The following AFG3L2 variants were observed in gnomAD, a reference collection of about 807,000 sequenced individuals.
The protein encoded by AFG3L2 is mitochondrial inner membrane m-AAA protease component AFG3L2.
AFG3L2 carries 54 observed loss-of-function variants against 94.5 expected under a neutral mutation model. The ratio of observed to expected loss-of-function variants is 0.57; its 90% confidence interval spans 0.46 to 0.72. The LOEUF (loss-of-function observed/expected upper bound fraction) is 0.72, where lower values mean the gene tolerates loss of function less well. Ranked by LOEUF, AFG3L2 falls within the 30% of genes least tolerant of loss-of-function variation. The probability of loss-of-function intolerance (pLI) is 0.00; values close to 1 mark genes in which losing one functional copy is unlikely to be tolerated. For synonymous variants in AFG3L2, 377 were observed against 365.5 expected, an observed-to-expected ratio of 1.03 and a Z score of -0.36; for missense variants, 754 against 994.9, an observed-to-expected ratio of 0.76 and a Z score of 3.26.
chr18:12,329,722 C>T lies in AFG3L2; in HGVS notation c.2237G>A (p.Gly746Asp). 1 of 1,614,178 alleles carries T rather than the reference C, an allele frequency of 6.2e-7. No individual in the cohort carries two copies. The highest frequency in any genetic ancestry group is 2.2e-5 in the East Asian group (1 of 44,884). The change falls in exon 17 of 17, where the codon GGC (glycine) becomes GAC (aspartate). Residue 746 changes from glycine to aspartate, a missense_variant. By Grantham distance (94) the Gly-to-Asp change is moderately conservative. Coordinates refer to ENST00000269143, the MANE Select transcript of AFG3L2 (RefSeq NM_006796.3). ...LDKNDMVELL[G>D]PRPFAEKSTY... ...AGATTTTTCCGCAAATGGTCTGGGG[C>T]CCAAAAGTTCAACCATATCATTCTT...
At chr18:12,346,446 A>T (rs1243576166) in intron 13 of AFG3L2, among the ~76,000 whole-genome samples, 4 of 150,420 alleles carry the variant, frequency 2.7e-5, no homozygotes, top group Non-Finnish European at 5.9e-5. Context: ...AGCGCCCCAC[A>T]CTCCTGCGGT....
chr18:12,361,450 G>C (rs1025996234), intron 6 of AFG3L2, among the ~76,000 whole-genome samples: 3 of 151,804 alleles, frequency 2.0e-5, no homozygotes, highest in Non-Finnish European at 4.4e-5. Context: ...AGCTCAAGAT[G>C]AGCCTGGTCA....
chr18:12,336,412 C>T (rs1288193566), intron 16 of AFG3L2, among the ~76,000 whole-genome samples: 1 of 152,206 alleles, frequency 6.6e-6, no homozygotes. Context: ...AGGAGGATAG[C>T]TTCCATGCCC....
chr18:12,338,157 G>T (rs1907815017), intron 15 of AFG3L2, among the ~76,000 whole-genome samples: 1 of 152,116 alleles, frequency 6.6e-6, no homozygotes, highest in African/African-American at 2.4e-5. Context: ...CTGCAGCTTT[G>T]ACCTTCTGGG....
At chr18:12,341,578 A>G (rs1301035930) in intron 14 of AFG3L2, 2 of 152,188 alleles carry the variant, frequency 1.3e-5, no homozygotes, top group Non-Finnish European at 1.5e-5. Context: ...ATCCATAGAT[A>G]CTGCTGTATG....
chr18:12,368,803 GTTGGCCAGGC>G (rs1240502691), intron 3 of AFG3L2, among the ~76,000 whole-genome samples: 1 of 152,144 alleles, frequency 6.6e-6, no homozygotes, highest in Non-Finnish European at 1.5e-5. Context: ...GTTTCATCAT[GTTGGCCAGGC>G]TGGTCTTCAA....
chr18:12,353,186 T>C, intron 9 of AFG3L2, 28 bp from the exon 10 acceptor site: 2 of 1,613,118 alleles, frequency 1.2e-6, no homozygotes, highest in Non-Finnish European at 8.5e-7. Flanking sequence ...GAGAGTCACC[T>C]GACCAGAGAA....
intron 10 of AFG3L2, among the ~76,000 whole-genome samples, chr18:12,351,782 G>C (rs967687790): frequency 6.6e-6 from 1 of 152,042 alleles, no homozygotes. Context: ...CCTAACCTCA[G>C]GTGATCCACC....
intron 14 of AFG3L2, 52 bp downstream of exon 14, chr18:12,344,076 CAGCG>C: frequency 7.0e-7 from 1 of 1,428,356 alleles, no homozygotes; most frequent in Non-Finnish European, 9.9e-7. Flanking sequence ...TGAGTGACTG[CAGCG>C]AGCATCTGCT....
chr18:12,351,356 A>G lies in AFG3L2; in HGVS notation c.1376T>C (p.Leu459Pro), dbSNP rs756058528. The change falls in exon 11 of 17, where the codon CTG (leucine) becomes CCG (proline). Residue 459 changes from leucine to proline, a missense_variant. Physicochemically the swap from Leu to Pro is moderately conservative, Grantham distance 98. Coordinates refer to ENST00000269143, the MANE Select transcript of AFG3L2 (RefSeq NM_006796.3). ...CCCCGGCCTAAGCAGCGCGGGGTCC[A>G]GGATATCTGGTCGATTGGTGCCGGC... is the stretch of plus-strand genomic sequence containing the variant. Reference protein sequence around the residue: ...ILAGTNRPDILDPALLRPGRF... With the variant: ...ILAGTNRPDIPDPALLRPGRF... 2 of 1,614,080 alleles carry G rather than the reference A, an allele frequency of 1.2e-6. No individual in the cohort carries two copies. The highest frequency in any genetic ancestry group is 1.3e-5 in the African/African-American group (1 of 74,930).
At chr18:12,353,514 C>CAAAAAAAA (rs71172076) in intron 9 of AFG3L2, among the ~76,000 whole-genome samples, 14 of 81,036 alleles carry the variant, frequency 1.7e-4, no homozygotes, top group Non-Finnish European at 2.1e-4. Context: ...AATTCTGTCT[C>CAAAAAAAA]AAAAAAAAAA....
At chr18:12,347,917 T>C (rs528414950) in intron 13 of AFG3L2, among the ~76,000 whole-genome samples, 2 of 152,324 alleles carry the variant, frequency 1.3e-5, no homozygotes, top group African/African-American at 4.8e-5. Flanking sequence ...GATGAAACTT[T>C]TGTAAACAGG....
At position 12,358,653 on chromosome 18, in the gene AFG3L2, C is replaced by A. The variant is rs760378691; in HGVS notation, c.1026+17G>T. 6 of 1,612,090 alleles carry A rather than the reference C, an allele frequency of 3.7e-6. No individual in the cohort carries two copies. In the South Asian group the frequency reaches 5.5e-5, roughly 15 times the overall value. On this transcript the variant is annotated intron_variant, in intron 8 of 16. Transcript: ENST00000269143. Reference sequence around the variant, plus strand: ...TCAAGAAACATTTCAAAAAGTTAATCTTAAATTTCATTTTACCTTTGGGAT... The same window carrying A: ...TCAAGAAACATTTCAAAAAGTTAATATTAAATTTCATTTTACCTTTGGGAT...
intron 12 of AFG3L2, among the ~76,000 whole-genome samples, chr18:12,350,670 G>C (rs947709230): frequency 1.3e-5 from 2 of 152,194 alleles, no homozygotes; most frequent in African/African-American, 4.8e-5. Flanking sequence ...AAATAGTCGG[G>C]CACAGTGGCT....
intron 16 of AFG3L2, among the ~76,000 whole-genome samples, chr18:12,330,604 C>T (rs1306787203): frequency 6.6e-6 from 1 of 152,148 alleles, no homozygotes; most frequent in Middle Eastern, 3.4e-3. Context: ...ATGGCAAAAC[C>T]CCGTCTCTAC....
At chr18:12,364,560 G>A (rs190363773) in intron 5 of AFG3L2, among the ~76,000 whole-genome samples, 3 of 152,142 alleles carry the variant, frequency 2.0e-5, no homozygotes, top group Non-Finnish European at 4.4e-5. Flanking sequence ...ATAGCCTATC[G>A]CTCTATAGGA....
intron 5 of AFG3L2, among the ~76,000 whole-genome samples, chr18:12,365,861 T>G (rs1908787869): frequency 6.7e-6 from 1 of 150,294 alleles, no homozygotes; most frequent in Non-Finnish European, 1.5e-5. Context: ...ATCACTACAC[T>G]GCATCAATTC....
rs538294811 is a variant in AFG3L2, at chr18:12,358,293, G to C, written c.1026+377C>G. Among the ~76,000 whole-genome samples the C allele has an allele frequency of 3.9e-5, 6 of 152,322 alleles. No homozygotes were observed. The East Asian group carries it at 7.7e-4, about 20-fold the overall frequency. On this transcript the variant is annotated intron_variant, in intron 8 of 16. Coordinates refer to ENST00000269143, the MANE Select transcript of AFG3L2 (RefSeq NM_006796.3). ...TGCCGTGAACCTCAGCGCCAGCACA[G>C]GTGTCCTGTCCACATACATCCCTCG...
At position 12,377,047 on chromosome 18, in the gene AFG3L2, GC is replaced by G. The variant is rs1568149509; in HGVS notation, c.35del (p.Gly12AlafsTer44). On this transcript the variant is annotated frameshift_variant, in exon 1 of 17. Coordinates refer to ENST00000269143, the MANE Select transcript of AFG3L2 (RefSeq NM_006796.3). LOFTEE classifies it high-confidence loss of function. ...AHRCLRLWGR[G>X]GCWPRGLQQL... ...GCTGTAGGCCGCGGGGCCAGCAGCC[GC>G]CCCGGCCCCACAGCCGCAAACAGCG... 4 of 1,435,444 alleles carry G rather than the reference GC, an allele frequency of 2.8e-6. No individual in the cohort carries two copies. Among genetic ancestry groups the G allele is most frequent in the South Asian group, 2.7e-5 (2 of 73,030 alleles). 88.9% of individuals were successfully genotyped at this position (1,435,444 alleles called of 1,614,324 possible).
Sources: allele counts gnomAD v4.1 joint callset (sites outside exome capture counted in the v4.1 genomes callset), GRCh38; gene constraint gnomAD v4.1.1; transcripts MANE v1.5; gene names NCBI Gene and HGNC (gene_info 2026-07-23, HGNC 2026-07-21).